FMO1: variants seen among roughly 807,000 people sequenced by gnomAD.
The protein encoded by FMO1 is flavin containing dimethylaniline monoxygenase 1, also known as flavin-containing monooxygenase 1.
Under a neutral mutation model 45.4 loss-of-function variants are expected in FMO1, and 36 were observed. The ratio of observed to expected loss-of-function variants is 0.79; its 90% CI spans 0.61 to 1.05. The LOEUF is 1.05. Among genes scored for constraint, FMO1 ranks in the 50% least tolerant of loss-of-function variants. The pLI, the probability that FMO1 is intolerant of heterozygous loss-of-function variation, is 0.00. For missense variants in FMO1, 615 were observed against 640.3 expected, an observed-to-expected ratio of 0.96 and a Z score of 0.43; for synonymous variants, 228 against 227.2, an observed-to-expected ratio of 1.00 and a Z score of -0.03.
rs749359223 is a variant in FMO1 at position 171,280,743 on chromosome 1, T to C, written c.628-43T>C. On this transcript the variant is annotated intron_variant, in intron 5 of 8. Transcript: ENST00000617670. ...AATCTCTGGCAGAACCAGCCAGCCG[T>C]GTTCACAGTGTCAAATGAAGGGATG... is the stretch of plus-strand genomic sequence containing the variant. The C allele has an allele frequency of 3.9e-6, 6 of 1,541,058 alleles. No homozygotes were observed. In the East Asian group the frequency reaches 1.3e-4, roughly 35 times the overall value.
rs1447104463 is a variant in FMO1 at position 171,249,257 on chromosome 1, T to C, written c.-7+634T>C. ...TTCACAAGATCATAAACATCAAGGG[T>C]TTGAAAATCATTTTTAGATATTCAG... On this transcript the variant is annotated intron_variant, in intron 1 of 8. Transcript: ENST00000617670. Among the ~76,000 whole-genome samples, 125 of 152,106 alleles carry C rather than the reference T, an allele frequency of 8.2e-4. 1 individual carries two copies. The highest frequency in any genetic ancestry group is 7.4e-5 in the Non-Finnish European group (5 of 68,018).
intron 8 of FMO1, among the ~76,000 whole-genome samples, chr1:171,283,896 G>A (rs746247765): frequency 4.6e-5 from 7 of 152,150 alleles, no homozygotes; most frequent in Non-Finnish European, 8.8e-5. Flanking sequence ...CTCAAAGCCT[G>A]AACATTTACT....
chr1:171,276,902 T>C (rs1296412343), intron 4 of FMO1, among the ~76,000 whole-genome samples: 1 of 152,204 alleles, frequency 6.6e-6, no homozygotes, highest in East Asian at 1.9e-4. Flanking sequence ...CTATGAATTC[T>C]AGCATATACA....
intron 3 of FMO1, among the ~76,000 whole-genome samples, chr1:171,268,809 AG>A (rs1173380814): frequency 1.3e-5 from 2 of 152,186 alleles, no homozygotes; most frequent in Non-Finnish European, 2.9e-5. Context: ...CGACCTTAAA[AG>A]TCCTCTGATA....
At chr1:171,270,108 C>T (rs771974306) in intron 3 of FMO1, among the ~76,000 whole-genome samples, 1 of 152,176 alleles carries the variant, frequency 6.6e-6, no homozygotes, top group Admixed American at 6.5e-5. Flanking sequence ...ACTGCCATTA[C>T]ATGGTAATGG....
intron 1 of FMO1, 120 bp from the exon 2 acceptor site, chr1:171,257,962 C>A: frequency 8.8e-7 from 1 of 1,130,700 alleles, no homozygotes; most frequent in Non-Finnish European, 1.3e-6. Flanking sequence ...AGACCCGCTA[C>A]AGAAGATTCA....
chr1:171,277,919 AAAG>A (rs1484566308), intron 4 of FMO1, among the ~76,000 whole-genome samples: 1 of 152,222 alleles, frequency 6.6e-6, no homozygotes, highest in Non-Finnish European at 1.5e-5. Flanking sequence ...TTTTAGGAAA[AAAG>A]AAGTTCTTTG....
At chr1:171,267,082 C>A (rs542657613) in intron 2 of FMO1, among the ~76,000 whole-genome samples, 2 of 152,336 alleles carry the variant, frequency 1.3e-5, no homozygotes, top group Non-Finnish European at 2.9e-5. Flanking sequence ...TGGGTTCCAG[C>A]TATCATTGCC....
chr1:171,260,095 A>G (rs1358784649), intron 2 of FMO1, among the ~76,000 whole-genome samples: 2 of 152,212 alleles, frequency 1.3e-5, no homozygotes, highest in African/African-American at 4.8e-5. Context: ...TAGGGACAGT[A>G]AAGAAAAAGT....
Position 171,258,188 on chromosome 1 carries a change from G to T in FMO1, c.101G>T (p.Ser34Ile). 6.2e-7 allele frequency: 1 copy of T among 1,614,192 alleles called. No homozygotes were observed. The highest frequency in any genetic ancestry group is 8.5e-7 in the Non-Finnish European group (1 of 1,180,030). ...EGLEPTCFERSDDLGGLWRFT... is the reference protein window; with the variant it reads ...EGLEPTCFERIDDLGGLWRFT... ...CTGGAGCCCACCTGCTTTGAGAGGA[G>T]CGATGACCTTGGGGGGCTGTGGAGA... Residue 34 changes from serine to isoleucine, a missense_variant, in exon 2 of 9, where the codon AGC becomes ATC. Ser to Ile is a moderately radical substitution (Grantham distance 142). Coordinates refer to ENST00000617670, the MANE Select transcript of FMO1 (RefSeq NM_001282693.2).
At chr1:171,271,002 A>G in intron 3 of FMO1, 1 of 954,156 alleles carries the variant, frequency 1.0e-6, no homozygotes, top group Non-Finnish European at 1.6e-6. Context: ...CCTCATCATA[A>G]TCTTCTTCAT....
At position 171,278,857 on chromosome 1, in the gene FMO1, C is replaced by T; in HGVS notation, c.613C>T (p.His205Tyr). The change falls in exon 5 of 9, where the codon CAC becomes TAC. Residue 205 changes from histidine (H) to tyrosine (Y), a missense_variant. His to Tyr is a moderately conservative substitution (Grantham distance 83). Coordinates refer to ENST00000617670, the MANE Select transcript of FMO1 (RefSeq NM_001282693.2). Reference protein sequence around the residue: ...SGTDIAVEASHLAEKVFLSTT... With the variant: ...SGTDIAVEASYLAEKVFLSTT... ...CACAGACATTGCTGTGGAGGCCAGC[C>T]ACCTGGCGGAAAAGGTACATTCCTG... is the stretch of plus-strand genomic sequence containing the variant. 6.2e-7 allele frequency: 1 copy of T among 1,611,202 alleles called. No homozygotes were observed.
chr1:171,281,835 C>A, intron 6 of FMO1, 143 bp from the exon 7 acceptor site: 1 of 587,878 alleles, frequency 1.7e-6, no homozygotes, highest in Non-Finnish European at 3.0e-6. Flanking sequence ...TCCCCTTCCA[C>A]TGAAGTAACA....
chr1:171,268,681 T>C (rs534471876), intron 3 of FMO1, among the ~76,000 whole-genome samples: 19 of 152,168 alleles, frequency 1.2e-4, no homozygotes, highest in African/African-American at 4.6e-4. Flanking sequence ...TTCTCCTTTC[T>C]CCCTCCCCTG....
chr1:171,281,640 T>A (rs1661362264), intron 6 of FMO1, among the ~76,000 whole-genome samples: 2 of 152,224 alleles, frequency 1.3e-5, no homozygotes, highest in South Asian at 4.1e-4. Context: ...TCAGCCACTC[T>A]AGAAGTCCCT....
intron 2 of FMO1, among the ~76,000 whole-genome samples, chr1:171,265,223 T>C (rs568525200): frequency 4.0e-5 from 6 of 151,868 alleles, no homozygotes; most frequent in Admixed American, 3.9e-4. Context: ...ACCCCGTCTC[T>C]ACTAAAAATA....
In FMO1 at chr1:171,258,147, C is replaced by T. The variant is rs1489587078; in HGVS notation, c.60C>T (p.Cys20=). The part of the protein sequence containing the change: ...AGVSGLASIK[C]CLEEGLEPTC... ...TCAGCGGCCTGGCCTCCATCAAGTGCTGTCTGGAAGAAGGACTGGAGCCCA... is the reference window on the plus strand; with the variant it reads ...TCAGCGGCCTGGCCTCCATCAAGTGTTGTCTGGAAGAAGGACTGGAGCCCA... The change falls in exon 2 of 9, where the codon TGC becomes TGT. Residue 20 remains cysteine (C), a synonymous_variant. Transcript: ENST00000617670. The T allele has an allele frequency of 1.2e-6, 2 of 1,614,040 alleles. No individual in the cohort carries two copies. Among genetic ancestry groups the T allele is most frequent in the Non-Finnish European group, 1.7e-6 (2 of 1,180,020 alleles).
chr1:171,281,435 C>G (rs1661355133), intron 6 of FMO1, among the ~76,000 whole-genome samples: 3 of 152,198 alleles, frequency 2.0e-5, no homozygotes, highest in African/African-American at 4.8e-5. Context: ...AATGGTAGAG[C>G]CTTCTTCCCG....
intron 7 of FMO1, chr1:171,282,900 G>A: frequency 2.5e-6 from 1 of 405,886 alleles, no homozygotes; most frequent in Non-Finnish European, 4.4e-6. Context: ...AGCCAAACTA[G>A]TTGTGAGATT....
Sources: gnomAD v4.1 joint callset for allele counts (sites outside exome capture counted in the v4.1 genomes callset) on GRCh38, gnomAD v4.1.1 for gene constraint, MANE v1.5 for transcripts, NCBI Gene and HGNC (gene_info 2026-07-23, HGNC 2026-07-21) for gene names.